PIBF1: variants seen among roughly 807,000 people sequenced by gnomAD.
PIBF1 encodes progesterone immunomodulatory binding factor 1.
In PIBF1, 90 loss-of-function variants were observed where a neutral mutation model predicts 112.5. The ratio of observed to expected loss-of-function variants is 0.80; its 90% CI spans 0.67 to 0.95. The LOEUF (loss-of-function observed/expected upper bound fraction) is 0.95. PIBF1 is among the 40% of genes least tolerant of loss of function. PIBF1 has a pLI of 0.00. For synonymous variants in PIBF1, 301 were observed against 288.6 expected (o/e 1.04, Z -0.44); for missense variants, 915 against 852.3 (o/e 1.07, Z -0.92).
At chr13:73,010,299 C>T (rs2044156885) in intron 17 of PIBF1, among the ~76,000 whole-genome samples, 2 of 148,674 alleles carry the variant, frequency 1.3e-5, no homozygotes, top group African/African-American at 2.5e-5. Flanking sequence ...GGGTTGGGAC[C>T]TGCAATTTAA....
intron 14 of PIBF1, among the ~76,000 whole-genome samples, chr13:72,934,846 A>G (rs1235264285): frequency 2.0e-5 from 3 of 152,128 alleles, no homozygotes; most frequent in Non-Finnish European, 2.9e-5. Context: ...ATAAACACAT[A>G]TATCTCCCCA....
intron 11 of PIBF1, among the ~76,000 whole-genome samples, chr13:72,905,253 A>G (rs2040659760): frequency 6.6e-6 from 1 of 152,032 alleles, no homozygotes; most frequent in Non-Finnish European, 1.5e-5. Flanking sequence ...TTTTTAGTGG[A>G]GACAGGGTTT....
At chr13:72,940,754 A>G (rs1048890056) in intron 14 of PIBF1, among the ~76,000 whole-genome samples, 1 of 152,186 alleles carries the variant, frequency 6.6e-6, no homozygotes, top group African/African-American at 2.4e-5. Context: ...ACTACAACCA[A>G]ACTCTTTGAG....
At chr13:72,918,381 C>CAATTTTTTTTTTTTTTTTT in intron 13 of PIBF1, among the ~76,000 whole-genome samples, 1 of 131,742 alleles carries the variant, frequency 7.6e-6, no homozygotes. Flanking sequence ...CAGCAACTAC[C>CAATTTTTTTTTTTTTTTTT]TATTTTTTTT....
At chr13:72,922,263 T>TCACCA (rs1165127915) in intron 13 of PIBF1, among the ~76,000 whole-genome samples, 2 of 151,974 alleles carry the variant, frequency 1.3e-5, no homozygotes, top group Non-Finnish European at 2.9e-5. Flanking sequence ...TAGGCATGAG[T>TCACCA]CACCACACCC....
At chr13:72,905,825 A>G (rs1441709214) in intron 11 of PIBF1, among the ~76,000 whole-genome samples, 1 of 152,228 alleles carries the variant, frequency 6.6e-6, no homozygotes, top group Non-Finnish European at 1.5e-5. Context: ...AAGGTCATAT[A>G]TGGAAAAACA....
At chr13:72,820,370 C>T (rs1169231874) in intron 5 of PIBF1, among the ~76,000 whole-genome samples, 1 of 152,106 alleles carries the variant, frequency 6.6e-6, no homozygotes. Context: ...TCTTGTAGGA[C>T]TTAGGTCCGA....
At chr13:72,866,251 C>CT (rs532521165) in intron 10 of PIBF1, among the ~76,000 whole-genome samples, 1 of 152,266 alleles carries the variant, frequency 6.6e-6, no homozygotes, top group South Asian at 2.1e-4. Context: ...TACAAAGACT[C>CT]TTTTTCCAAA....
In PIBF1 at chr13:72,819,752, A is replaced by G. The variant is rs377309993; in HGVS notation, c.673-2097A>G. Among the ~76,000 whole-genome samples the G allele has an allele frequency of 1.0e-3, 152 of 152,010 alleles. No homozygotes were observed. The Middle Eastern group carries it at 0.024, about 24-fold the overall frequency. ...TATTTGTTTTAGTCCCTAACACTCT[A>G]CCTTCTGCCCCTACCGCTAAATACT... On this transcript the variant is annotated intron_variant, in intron 5 of 17. Transcript: ENST00000326291.
intron 9 of PIBF1, among the ~76,000 whole-genome samples, 197 bp from the exon 10 acceptor site, chr13:72,853,860 A>G (rs914150988): frequency 6.6e-6 from 1 of 152,174 alleles, no homozygotes. Flanking sequence ...TGTGACATAG[A>G]GATAGACCAT....
intron 3 of PIBF1, among the ~76,000 whole-genome samples, chr13:72,794,515 C>A (rs2035093024): frequency 6.6e-6 from 1 of 152,098 alleles, no homozygotes; most frequent in East Asian, 1.9e-4. Context: ...AATTATAGCT[C>A]CCATAATTCC....
intron 9 of PIBF1, among the ~76,000 whole-genome samples, chr13:72,840,455 A>C (rs998246545): frequency 2.0e-5 from 3 of 152,000 alleles, no homozygotes; most frequent in Non-Finnish European, 4.4e-5. Context: ...CTGTTACAAT[A>C]AGTTGAAATG....
At chr13:72,972,048 A>ATTTT (rs1555327021) in intron 15 of PIBF1, among the ~76,000 whole-genome samples, 98 of 117,006 alleles carry the variant, frequency 8.4e-4, no homozygotes, top group African/African-American at 2.6e-3. Context: ...TTATTTATTT[A>ATTTT]TTTTTTGAGA....
rs1593867506 is a variant in PIBF1, at chr13:72,783,580, A to G, written c.111A>G (p.Ser37=). The G allele has an allele frequency of 6.2e-7, 1 of 1,614,106 alleles. No homozygotes were observed. The highest frequency in any genetic ancestry group is 8.5e-7 in the Non-Finnish European group (1 of 1,179,928). ...TTVPTDDISS[S]EEREGKVRIT... is the part of the protein sequence containing the mutation. ...TTCCTACGGATGATATTTCCTCATC[A>G]GAAGAGCGAGAGGGCAAAGTCAGAA... Residue 37 remains serine (S), a synonymous_variant, in exon 2 of 18, where the codon TCA becomes TCG. Coordinates refer to ENST00000326291, the MANE Select transcript of PIBF1 (RefSeq NM_006346.4).
intron 13 of PIBF1, among the ~76,000 whole-genome samples, chr13:72,917,991 A>G (rs998018795): frequency 2.0e-5 from 3 of 152,228 alleles, no homozygotes; most frequent in African/African-American, 7.2e-5. Context: ...CATCCCGTGG[A>G]TACCAACAGA....
chr13:72,962,156 C>A (rs1013329913), intron 14 of PIBF1, among the ~76,000 whole-genome samples: 11 of 151,990 alleles, frequency 7.2e-5, no homozygotes, highest in Admixed American at 2.0e-4. Context: ...AGTTTTGTAA[C>A]CGCTAATAAT....
chr13:72,809,578 G>GA (rs1555287150), intron 5 of PIBF1, among the ~76,000 whole-genome samples: 1 of 138,492 alleles, frequency 7.2e-6, no homozygotes, highest in Admixed American at 7.3e-5. Flanking sequence ...TTAATAGAAG[G>GA]TTTTTTTTTG....
chr13:72,975,263 C>G (rs2042991585), intron 16 of PIBF1, among the ~76,000 whole-genome samples: 1 of 151,860 alleles, frequency 6.6e-6, no homozygotes, highest in Non-Finnish European at 1.5e-5. Flanking sequence ...GCATGGTTGG[C>G]CAGGCTGATC....
At chr13:72,913,700 C>T (rs962508055) in intron 12 of PIBF1, among the ~76,000 whole-genome samples, 1 of 151,648 alleles carries the variant, frequency 6.6e-6, no homozygotes, top group South Asian at 2.1e-4. Flanking sequence ...AACGTCAAGG[C>T]TGCAGTGACT....
Sources: allele counts gnomAD v4.1 joint callset (sites outside exome capture counted in the v4.1 genomes callset), GRCh38; gene constraint gnomAD v4.1.1; transcripts MANE v1.5; gene names NCBI Gene and HGNC (gene_info 2026-07-23, HGNC 2026-07-21).